Variants in CNBD1 observed in about 807,000 individuals in gnomAD.
The protein encoded by CNBD1 is cyclic nucleotide binding domain containing 1.
In CNBD1, 71 loss-of-function variants were observed where a neutral mutation model predicts 54.4. That is an observed-to-expected ratio of 1.30 (90% CI 1.08 to 1.59). The LOEUF is 1.59. Ranked by LOEUF, CNBD1 falls within the 40% of genes most tolerant of loss-of-function variation. CNBD1 has a pLI of 0.00. For missense variants in CNBD1, 659 were observed against 518.0 expected (o/e 1.27, Z -2.64); for synonymous variants, 182 against 170.7 (o/e 1.07, Z -0.51).
At chr8:86,916,684 G>T (rs1451318097) in intron 3 of CNBD1, among the ~76,000 whole-genome samples, 1 of 151,694 alleles carries the variant, frequency 6.6e-6, no homozygotes, top group African/African-American at 2.4e-5. Context: ...CTCTGGTGCT[G>T]GCTGCAACAT....
At chr8:87,426,160 C>T (rs944204147) in intron 2 of CNBD1, among the ~76,000 whole-genome samples, 1 of 152,226 alleles carries the variant, frequency 6.6e-6, no homozygotes, top group Non-Finnish European at 1.5e-5. Flanking sequence ...TGAGGCAATG[C>T]CTCGCCCTGC....
At chr8:86,978,277 T>C (rs1436026464) in intron 4 of CNBD1, among the ~76,000 whole-genome samples, 1 of 152,142 alleles carries the variant, frequency 6.6e-6, no homozygotes, top group Non-Finnish European at 1.5e-5. Flanking sequence ...ATGTTGACTT[T>C]TATGTGTCAG....
intron 4 of CNBD1, among the ~76,000 whole-genome samples, chr8:86,986,513 T>A (rs1435906776): frequency 6.6e-6 from 1 of 152,196 alleles, no homozygotes; most frequent in Non-Finnish European, 1.5e-5. Context: ...GCTCTTTAAT[T>A]TAATTAGGTT....
intron 4 of CNBD1, among the ~76,000 whole-genome samples, chr8:87,049,615 T>C (rs1810272211): frequency 6.6e-6 from 1 of 152,188 alleles, no homozygotes; most frequent in South Asian, 2.1e-4. Context: ...AGATCCTCCC[T>C]GGCTTCATAG....
At chr8:87,179,430 TAAAGA>T (rs1563497477) in intron 4 of CNBD1, among the ~76,000 whole-genome samples, 1 of 152,298 alleles carries the variant, frequency 6.6e-6, no homozygotes, top group Admixed American at 6.5e-5. Flanking sequence ...TTTGCTCTCT[TAAAGA>T]AGAGTCTAAA....
chr8:87,231,028 G>T (rs975097997), intron 5 of CNBD1, among the ~76,000 whole-genome samples: 2 of 152,114 alleles, frequency 1.3e-5, no homozygotes, highest in African/African-American at 2.4e-5. Flanking sequence ...GGCGAAATGG[G>T]AGCCAGCATT....
intron 4 of CNBD1, among the ~76,000 whole-genome samples, chr8:87,006,721 G>C (rs1936613454): frequency 6.6e-6 from 1 of 152,150 alleles, no homozygotes; most frequent in Non-Finnish European, 1.5e-5. Context: ...TTCAACATGA[G>C]ATCTGGGCAG....
intron 3 of CNBD1, among the ~76,000 whole-genome samples, chr8:86,936,266 G>T (rs574125744): frequency 2.0e-5 from 3 of 152,014 alleles, no homozygotes; most frequent in South Asian, 4.1e-4. Context: ...TATTACTAAA[G>T]AAAAAGGGAA....
At chr8:87,390,878 T>C (rs1363083082) in intron 2 of CNBD1, among the ~76,000 whole-genome samples, 1 of 152,186 alleles carries the variant, frequency 6.6e-6, no homozygotes, top group African/African-American at 2.4e-5. Flanking sequence ...TAAGAAAATA[T>C]GGCACATATA....
chr8:87,123,674 G>T (rs762321973), intron 4 of CNBD1, among the ~76,000 whole-genome samples: 7 of 151,518 alleles, frequency 4.6e-5, no homozygotes, highest in Admixed American at 2.6e-4. Flanking sequence ...AACCAGAGCA[G>T]ATCTAAATGA....
chr8:86,965,403 A>C (rs7826182), intron 4 of CNBD1, among the ~76,000 whole-genome samples: 140,317 of 152,040 alleles, frequency 0.92, 64,821 homozygotes, highest in East Asian at 0.99. Flanking sequence ...ACCTCCATGA[A>C]GTGAAACTGG....
At chr8:87,017,374 TG>T (rs1809377144) in intron 4 of CNBD1, among the ~76,000 whole-genome samples, 1 of 152,206 alleles carries the variant, frequency 6.6e-6, no homozygotes, top group East Asian at 1.9e-4. Context: ...GCCTTTTGTG[TG>T]GAGCATTTAT....
intron 4 of CNBD1, among the ~76,000 whole-genome samples, chr8:87,132,499 AT>A (rs990140631): frequency 6.0e-5 from 9 of 150,408 alleles, no homozygotes; most frequent in Non-Finnish European, 1.0e-4. Context: ...CTTGGACATA[AT>A]TTTTTTTATT....
chr8:86,975,162 T>A (rs912118711), intron 4 of CNBD1, among the ~76,000 whole-genome samples: 9 of 152,074 alleles, frequency 5.9e-5, no homozygotes, highest in African/African-American at 2.2e-4. Flanking sequence ...GTGTGATGTT[T>A]TGAAGCATGT....
At chr8:87,221,225 A>T (rs1387280586) in intron 5 of CNBD1, among the ~76,000 whole-genome samples, 1 of 152,104 alleles carries the variant, frequency 6.6e-6, no homozygotes, top group Non-Finnish European at 1.5e-5. Context: ...TCATTTTAAA[A>T]ATTAGCACTG....
chr8:86,892,002 C>T (rs1586115676), intron 2 of CNBD1, among the ~76,000 whole-genome samples: 1 of 152,022 alleles, frequency 6.6e-6, no homozygotes, highest in East Asian at 1.9e-4. Context: ...ATATTGTCTG[C>T]AAATAGAGAG....
At chr8:86,999,063 A>G (rs1341874299) in intron 4 of CNBD1, among the ~76,000 whole-genome samples, 1 of 152,226 alleles carries the variant, frequency 6.6e-6, no homozygotes, top group African/African-American at 2.4e-5. Flanking sequence ...TTAAATGTCC[A>G]TGCCATTGAT....
chr8:87,378,515 C>T (rs1810998857), intron 10 of CNBD1, among the ~76,000 whole-genome samples: 1 of 150,846 alleles, frequency 6.6e-6, no homozygotes, highest in Middle Eastern at 3.2e-3. Context: ...TGATCTATAT[C>T]TCTGTTTTGG....
At chr8:87,293,524 CAG>C (rs1808822804) in intron 8 of CNBD1, among the ~76,000 whole-genome samples, 1 of 152,168 alleles carries the variant, frequency 6.6e-6, no homozygotes, top group Non-Finnish European at 1.5e-5. Context: ...GCCTGGGTGA[CAG>C]AGCAAGACTC....
Sources: gnomAD v4.1 joint callset for allele counts (sites outside exome capture counted in the v4.1 genomes callset) on GRCh38, gnomAD v4.1.1 for gene constraint, MANE v1.5 for transcripts, NCBI Gene and HGNC (gene_info 2026-07-23, HGNC 2026-07-21) for gene names.